SSX1: variants seen among roughly 807,000 people sequenced by gnomAD.
SSX1 encodes SSX family member 1.
A neutral mutation model predicts 14.6 loss-of-function variants in SSX1; 58 were observed. The observed-to-expected ratio is 3.96, with a 90% CI of 3.21 to 4.93. SSX1 has a LOEUF of 4.93. Ranked by LOEUF, SSX1 falls within the 30% of genes most tolerant of loss-of-function variation. The probability of loss-of-function intolerance (pLI) is 0.00; values close to 1 mark genes in which losing one functional copy is unlikely to be tolerated. For synonymous variants in SSX1, 46 were observed against 52.1 expected (o/e 0.88, Z 0.50); for missense variants, 272 against 143.1 (o/e 1.90, Z -4.60).
At chrX:48,263,678 T>G in intron 5 of SSX1, 104 bp from the exon 6 acceptor site, 1 of 1,089,703 alleles carries the variant, frequency 9.2e-7, no homozygotes, top group Non-Finnish European at 1.3e-6. Context: ...CCCGCGTTGT[T>G]GAGAACATTC....
At chrX:48,263,990 G>A in intron 6 of SSX1, 73 bp downstream of exon 6, 2 of 1,167,533 alleles carry the variant, frequency 1.7e-6, no homozygotes, top group Non-Finnish European at 2.3e-6. Flanking sequence ...CTGGGTGTGT[G>A]GCATGGATCC....
chrX:48,264,693 G>T (rs1556936133), intron 6 of SSX1, among the ~76,000 whole-genome samples: 5 of 112,120 alleles, frequency 4.5e-5, no homozygotes, highest in Non-Finnish European at 9.4e-5. Context: ...TTTCATGAAA[G>T]ATTTCTCTGT....
rs1601947833 is a variant in SSX1 at position 48,261,457 on chromosome X, A to G, written c.281-309A>G. ...TAGTTGTTGCACATCTTGAGTGATT[A>G]CAGTTTACATTCCCAACCAATCAAT... is the stretch of plus-strand genomic sequence containing the variant. On this transcript the variant is annotated intron_variant, in intron 4 of 7. Coordinates refer to ENST00000376919, the MANE Select transcript of SSX1 (RefSeq NM_005635.4). Among the ~76,000 whole-genome samples, 4 of 112,509 alleles carry G rather than the reference A, an allele frequency of 3.6e-5. No homozygotes were observed. The South Asian group carries it at 1.5e-3, about 42-fold the overall frequency.
Position 48,261,823 on chromosome X carries a change from T to C in SSX1, c.330+8T>C, listed in dbSNP as rs1404264167. The C allele has an allele frequency of 2.8e-5, 34 of 1,207,384 alleles. No homozygotes were observed. The highest frequency in any genetic ancestry group is 3.8e-5 in the Non-Finnish European group (34 of 893,292). ...CACAGAATCATCCCGAAGGTGAGTA[T>C]CTCTCAAATCTAAAGGACCAGAGAA... On this transcript the variant is annotated splice_region_variant and intron_variant, in intron 5 of 7. Coordinates refer to ENST00000376919, the MANE Select transcript of SSX1 (RefSeq NM_005635.4).
intron 4 of SSX1, among the ~76,000 whole-genome samples, chrX:48,258,898 G>T (rs1556935006): frequency 8.9e-6 from 1 of 111,770 alleles, no homozygotes. Flanking sequence ...TGAGGAGACT[G>T]GCTGTAAATG....
intron 4 of SSX1, among the ~76,000 whole-genome samples, chrX:48,259,878 T>TCCAA (rs1556935209): frequency 4.8e-5 from 5 of 104,050 alleles, no homozygotes; most frequent in African/African-American, 1.4e-4. Context: ...TGGTTCCAAG[T>TCCAA]CTTTGCTATT....
Position 48,263,775 on chromosome X carries a change from T to G in SSX1, c.331-7T>G. ...TACTGTTTATCTGTAACCTTCACAT[T>G]ATAAAGATCATGCCCAAGAAGCCAG... On this transcript the variant is annotated splice_region_variant and splice_polypyrimidine_tract_variant and intron_variant, in intron 5 of 7. Transcript: ENST00000376919. 1.7e-6 allele frequency: 2 copies of G among 1,210,977 alleles called. No homozygotes were observed. Among genetic ancestry groups the G allele is most frequent in the Non-Finnish European group, 2.2e-6 (2 of 895,049 alleles).
In SSX1 at chrX:48,266,298, G is replaced by C; in HGVS notation, c.478G>C (p.Gly160Arg). 1 of 1,209,796 alleles carries C rather than the reference G, an allele frequency of 8.3e-7. No individual in the cohort carries two copies. The highest frequency in any genetic ancestry group is 1.1e-6 in the Non-Finnish European group (1 of 895,289). ...KINKRSGPKR[G>R]KHAWTHRLRE... The stretch of plus-strand genomic sequence containing the variant: ...CTTCTCCATCATAGGACCCAAAAGG[G>C]GGAAACATGCCTGGACCCACAGACT... Residue 160 changes from glycine (G) to arginine (R), a missense_variant, in exon 7 of 8, where the codon GGG becomes CGG. Physicochemically the swap from Gly to Arg is moderately radical, Grantham distance 125 (BLOSUM62 -2). Coordinates refer to ENST00000376919, the MANE Select transcript of SSX1 (RefSeq NM_005635.4).
rs1383305533 is a variant in SSX1, at chrX:48,262,862, G to A, written c.331-920G>A. 9.0e-5 allele frequency among the ~76,000 whole-genome samples: 10 copies of A among 111,397 alleles called. No individual in the cohort carries two copies. The highest frequency in any genetic ancestry group is 1.7e-4 in the Non-Finnish European group (9 of 53,092). On this transcript the variant is annotated intron_variant, in intron 5 of 7. Transcript: ENST00000376919. ...GTAAAAAGTAGCTTAAGGGCCGGGC[G>A]CGGGGGCTCACGACTGTAATCCCAG... is the stretch of plus-strand genomic sequence containing the variant.
rs782782111 is a variant in SSX1 at position 48,257,839 on chromosome X, T to C, written c.163T>C (p.Tyr55His). Residue 55 changes from tyrosine to histidine, a missense_variant, in exon 3 of 8, where the codon TAT (tyrosine) becomes CAT (histidine). Tyr to His is a moderately conservative substitution (Grantham distance 83). Transcript: ENST00000376919. The stretch of plus-strand genomic sequence containing the variant: ...CAGCTATGTGTATATGAAGAGAAAC[T>C]ATAAGGCCATGACTAAACTAGGTAA... ...KISYVYMKRN[Y>H]KAMTKLGFKV... is the part of the protein sequence containing the mutation. 2.5e-6 allele frequency: 3 copies of C among 1,188,453 alleles called. No individual in the cohort carries two copies. The highest frequency in any genetic ancestry group is 1.8e-5 in the South Asian group (1 of 55,052).
intron 5 of SSX1, among the ~76,000 whole-genome samples, chrX:48,263,092 C>G (rs34286449): frequency 1.6e-4 from 17 of 107,552 alleles, no homozygotes; most frequent in Non-Finnish European, 3.1e-4. Context: ...CAAGATCGCA[C>G]CACTGCACTC....
At chrX:48,260,016 G>T (rs1355392018) in intron 4 of SSX1, among the ~76,000 whole-genome samples, 1 of 100,191 alleles carries the variant, frequency 1.0e-5, no homozygotes, top group Non-Finnish European at 2.1e-5. Flanking sequence ...AGATTCCTGA[G>T]GAATCTCCAC....
In SSX1 at chrX:48,263,831, C is replaced by G. The variant is rs1556935947; in HGVS notation, c.380C>G (p.Ser127Ter). The G allele has an allele frequency of 1.5e-5, 18 of 1,211,674 alleles. No individual in the cohort carries two copies. The highest frequency in any genetic ancestry group is 1.9e-5 in the Non-Finnish European group (17 of 895,379). Residue 127 changes from serine to a stop codon, truncating the protein, a stop_gained, in exon 6 of 8, where the codon TCA becomes TGA. Transcript: ENST00000376919. LOFTEE classifies it high-confidence loss of function. ...GACGAAAATGATTCGAAGGGAGTGT[C>G]AGAAGCATCTGGCCCACAAAACGAT... ...AEDENDSKGVSEASGPQNDGK... is the reference protein window; with the variant it reads ...AEDENDSKGV
At chrX:48,257,492 G>A in intron 2 of SSX1, 182 bp downstream of exon 2, 1 of 753,921 alleles carries the variant, frequency 1.3e-6, no homozygotes, top group Non-Finnish European at 1.6e-6. Flanking sequence ...ACAAGTCTCT[G>A]ACCTTGCTCT....
Position 48,266,956 on chromosome X carries a change from T to A in SSX1, c.*107T>A. The A allele has an allele frequency of 1.1e-6, 1 of 873,637 alleles. No homozygotes were observed. Among genetic ancestry groups the A allele is most frequent in the Non-Finnish European group, 1.6e-6 (1 of 608,636 alleles). 72.0% of individuals were successfully genotyped at this position (873,637 alleles called of 1,213,427 possible). On this transcript the variant is annotated 3_prime_UTR_variant, in exon 8 of 8. Transcript: ENST00000376919. The stretch of plus-strand genomic sequence containing the variant: ...CCCTCGTCATCAGGTGCATAGCAAG[T>A]GAAAGCAAGTGTTCACAACGGTGAA...
intron 6 of SSX1, among the ~76,000 whole-genome samples, chrX:48,265,258 A>C (rs1556936205): frequency 8.9e-6 from 1 of 112,316 alleles, no homozygotes; most frequent in Non-Finnish European, 1.9e-5. Flanking sequence ...TTGCATGCAC[A>C]GCTTGGCTAT....
chrX:48,266,367 C>T lies in SSX1; in HGVS notation c.547C>T (p.Pro183Ser). The part of the protein sequence containing the change: ...QLVIYEEISD[P>S]EEDDE ...GGTGATTTATGAAGAGATCAGTGAC[C>T]CTGAGGAAGATGACGAGTAACTCCG... is the stretch of plus-strand genomic sequence containing the variant. The change falls in exon 7 of 8, where the codon CCT becomes TCT. Residue 183 changes from proline (P) to serine (S), a missense_variant. By Grantham distance (74) the Pro-to-Ser change is moderately conservative (BLOSUM62 -1). Coordinates refer to ENST00000376919, the MANE Select transcript of SSX1 (RefSeq NM_005635.4). 8.3e-6 allele frequency: 10 copies of T among 1,210,184 alleles called. No homozygotes were observed. The highest frequency in any genetic ancestry group is 1.1e-5 in the Non-Finnish European group (10 of 895,372).
chrX:48,257,860 G>C lies in SSX1; in HGVS notation c.184G>C (p.Gly62Arg), dbSNP rs369314836. ...AAACTATAAGGCCATGACTAAACTA[G>C]GTAACAGAAAGTTCTAGGAACAGAC... is the stretch of plus-strand genomic sequence containing the variant. ...KRNYKAMTKL[G>R]FKVTLPPFMC... is the part of the protein sequence containing the mutation. Residue 62 changes from glycine (G) to arginine (R), a missense_variant and splice_region_variant, in exon 3 of 8, where the codon GGT (glycine) becomes CGT (arginine). Coordinates refer to ENST00000376919, the MANE Select transcript of SSX1 (RefSeq NM_005635.4). 3 of 1,144,878 alleles carry C rather than the reference G, an allele frequency of 2.6e-6. No homozygotes were observed. The highest frequency in any genetic ancestry group is 1.8e-5 in the African/African-American group (1 of 56,036). The allele number at this position is 1,144,878 out of a possible 1,213,427, so 94.4% of individuals were successfully genotyped here. A position where few individuals can be genotyped will look rare whatever the true frequency, so the allele number is the denominator to read the frequency against.
intron 4 of SSX1, among the ~76,000 whole-genome samples, chrX:48,260,719 AACAG>A (rs1486165863): frequency 2.7e-5 from 3 of 111,486 alleles, no homozygotes; most frequent in Non-Finnish European, 1.9e-5. Context: ...ATACACCAAC[AACAG>A]ACAAACAGAT....
Sources: gnomAD v4.1 joint callset for allele counts (sites outside exome capture counted in the v4.1 genomes callset) on GRCh38, gnomAD v4.1.1 for gene constraint, MANE v1.5 for transcripts, NCBI Gene and HGNC (gene_info 2026-07-23, HGNC 2026-07-21) for gene names.